The following BTBD9 variants were observed in gnomAD, a reference collection of about 807,000 sequenced individuals.
BTBD9 encodes the protein BTB domain containing 9.
A neutral mutation model predicts 64.3 loss-of-function variants in BTBD9; 49 were observed. The observed-to-expected ratio is 0.76, with a 90% CI of 0.61 to 0.97. The LOEUF is 0.97. Among genes scored for constraint, BTBD9 ranks in the 50% least tolerant of loss-of-function variants. The pLI is 0.00. For missense variants in BTBD9, 598 were observed against 762.1 expected, an observed-to-expected ratio of 0.78 and a Z score of 2.53; for synonymous variants, 260 against 274.7, an observed-to-expected ratio of 0.95 and a Z score of 0.53.
chr6:38,456,132 C>T (rs1769794588), intron 6 of BTBD9, among the ~76,000 whole-genome samples: 1 of 152,030 alleles, frequency 6.6e-6, no homozygotes, highest in Non-Finnish European at 1.5e-5. Context: ...GGATTACTGG[C>T]ATGTGCCACC....
intron 6 of BTBD9, among the ~76,000 whole-genome samples, chr6:38,424,189 T>C (rs755874331): frequency 2.0e-5 from 3 of 152,064 alleles, no homozygotes; most frequent in Non-Finnish European, 4.4e-5. Flanking sequence ...ATCTGCACTG[T>C]AGGCTTTTAC....
intron 1 of BTBD9, among the ~76,000 whole-genome samples, chr6:38,637,450 A>G (rs1778564134): frequency 6.6e-6 from 1 of 152,240 alleles, no homozygotes; most frequent in African/African-American, 2.4e-5. Context: ...CCAAGGGTTC[A>G]ATATTCAGCA....
chr6:38,483,108 C>T (rs1442274742), intron 6 of BTBD9, among the ~76,000 whole-genome samples: 1 of 151,990 alleles, frequency 6.6e-6, no homozygotes, highest in Non-Finnish European at 1.5e-5. Flanking sequence ...CATCATCCTC[C>T]CTTGACCCTA....
chr6:38,597,425 T>C (rs142260204), intron 2 of BTBD9, among the ~76,000 whole-genome samples: 9 of 152,338 alleles, frequency 5.9e-5, no homozygotes, highest in African/African-American at 2.2e-4. Flanking sequence ...TTAAGATTTA[T>C]AACCCTGGAA....
At chr6:38,515,425 G>T (rs1173975208) in intron 6 of BTBD9, among the ~76,000 whole-genome samples, 7 of 152,164 alleles carry the variant, frequency 4.6e-5, no homozygotes, top group Non-Finnish European at 4.4e-5. Context: ...TATCACTATG[G>T]AATTTGAGCT....
At chr6:38,452,783 C>T (rs548056960) in intron 6 of BTBD9, among the ~76,000 whole-genome samples, 3 of 151,974 alleles carry the variant, frequency 2.0e-5, no homozygotes, top group Non-Finnish European at 4.4e-5. Flanking sequence ...GAAAGTAAAA[C>T]AATGATATGA....
intron 7 of BTBD9, among the ~76,000 whole-genome samples, chr6:38,344,195 C>T (rs1420710741): frequency 6.6e-6 from 1 of 151,354 alleles, no homozygotes; most frequent in East Asian, 1.9e-4. Flanking sequence ...AACCTATGGG[C>T]ATGGGGGAAA....
At chr6:38,266,565 C>G (rs1364948214) in intron 8 of BTBD9, among the ~76,000 whole-genome samples, 2 of 137,060 alleles carry the variant, frequency 1.5e-5, no homozygotes, top group African/African-American at 5.5e-5. Context: ...AAGAGCAAAA[C>G]TCAGTCTCAA....
intron 5 of BTBD9, among the ~76,000 whole-genome samples, chr6:38,578,130 T>A (rs535025118): frequency 2.2e-4 from 34 of 152,220 alleles, no homozygotes; most frequent in African/African-American, 7.9e-4. Context: ...GCAGGAAGTA[T>A]GCTTTCTCCC....
intron 6 of BTBD9, among the ~76,000 whole-genome samples, chr6:38,510,553 A>G (rs532983534): frequency 2.0e-5 from 3 of 152,290 alleles, no homozygotes; most frequent in Admixed American, 2.0e-4. Flanking sequence ...AACTTAGCTT[A>G]CTGAAACTTT....
Position 38,192,730 on chromosome 6 carries a change from CAGCTGGGCTG to C in BTBD9, c.1563-143_1563-134del. On this transcript the variant is annotated intron_variant, in intron 9 of 10. Coordinates refer to ENST00000481247, the MANE Select transcript of BTBD9 (RefSeq NM_001099272.2). ...AGACCTGCACTATAGGAGGGGCAGGCAGCTGGGCTGCACCTAACGTATGGCTGAGAGAGGC... is the reference window on the plus strand; with the variant it reads ...AGACCTGCACTATAGGAGGGGCAGGCCACCTAACGTATGGCTGAGAGAGGC... 4.1e-6 allele frequency: 3 copies of C among 740,074 alleles called. No homozygotes were observed. In the South Asian group the frequency reaches 4.8e-5, roughly 12 times the overall value. 45.8% of individuals were successfully genotyped at this position (740,074 alleles called of 1,614,324 possible).
chr6:38,464,128 G>C (rs971806046), intron 6 of BTBD9, among the ~76,000 whole-genome samples: 4 of 152,176 alleles, frequency 2.6e-5, no homozygotes, highest in Non-Finnish European at 4.4e-5. Flanking sequence ...CACACACAGA[G>C]GAGTGACCAT....
At chr6:38,250,523 C>A (rs1424846581) in intron 9 of BTBD9, among the ~76,000 whole-genome samples, 1 of 152,120 alleles carries the variant, frequency 6.6e-6, no homozygotes, top group Admixed American at 6.5e-5. Context: ...CTGTCATGAA[C>A]AATGTTTATA....
At chr6:38,398,207 T>C (rs1480722160) in intron 6 of BTBD9, among the ~76,000 whole-genome samples, 1 of 152,220 alleles carries the variant, frequency 6.6e-6, no homozygotes, top group Non-Finnish European at 1.5e-5. Context: ...CTGGGTTCTA[T>C]GAAGCACAAT....
chr6:38,344,270 G>C (rs1764202790), intron 7 of BTBD9, among the ~76,000 whole-genome samples: 1 of 152,008 alleles, frequency 6.6e-6, no homozygotes, highest in Non-Finnish European at 1.5e-5. Context: ...TCAAGACCTG[G>C]GATGGACTGT....
At chr6:38,600,181 T>C (rs1777193770) in intron 1 of BTBD9, among the ~76,000 whole-genome samples, 1 of 152,202 alleles carries the variant, frequency 6.6e-6, no homozygotes, top group South Asian at 2.1e-4. Context: ...AGACAGTACA[T>C]GGTTTAAAGC....
chr6:38,638,211 C>A (rs1352306518), intron 1 of BTBD9, among the ~76,000 whole-genome samples: 1 of 152,140 alleles, frequency 6.6e-6, no homozygotes, highest in East Asian at 1.9e-4. Context: ...CATTTATAGT[C>A]CTCAAACAGC....
intron 9 of BTBD9, among the ~76,000 whole-genome samples, chr6:38,218,573 C>T (rs1763089886): frequency 6.6e-6 from 1 of 152,234 alleles, no homozygotes; most frequent in Admixed American, 6.5e-5. Flanking sequence ...TACTTTAGAT[C>T]CCTTCCCAAA....
At chr6:38,245,415 CAG>C (rs1764150267) in intron 9 of BTBD9, among the ~76,000 whole-genome samples, 2 of 152,108 alleles carry the variant, frequency 1.3e-5, no homozygotes, top group Non-Finnish European at 2.9e-5. Context: ...GGGCTCCAGA[CAG>C]AGACCAGCAT....
Sources: gnomAD v4.1 joint callset for allele counts (sites outside exome capture counted in the v4.1 genomes callset) on GRCh38, gnomAD v4.1.1 for gene constraint, MANE v1.5 for transcripts, NCBI Gene and HGNC (gene_info 2026-07-23, HGNC 2026-07-21) for gene names.